SEMA3C: variants seen among roughly 807,000 people sequenced by gnomAD.
SEMA3C encodes the protein semaphorin 3C.
A neutral mutation model predicts 89.4 loss-of-function variants in SEMA3C; 47 were observed. The ratio of observed to expected loss-of-function variants is 0.53; its 90% CI spans 0.42 to 0.67. The LOEUF is 0.67. SEMA3C is among the 30% of genes least tolerant of loss of function. The probability of loss-of-function intolerance (pLI) is 0.00; values close to 1 mark genes in which losing one functional copy is unlikely to be tolerated. For missense variants in SEMA3C, 839 were observed against 929.1 expected (o/e 0.90, Z 1.26); for synonymous variants, 310 against 320.2 (o/e 0.97, Z 0.34).
At position 80,891,836 on chromosome 7, in the gene SEMA3C, T is replaced by C. The variant is rs1190794650; in HGVS notation, c.103+24843A>G. ...CTTAATTTCCCTAAATGAAGATTGT[T>C]TTTCCATGCTAAGCAGAAAAGTCAT... On this transcript the variant is annotated intron_variant, in intron 2 of 17. Transcript: ENST00000265361. Among the ~76,000 whole-genome samples, 5 of 152,240 alleles carry C rather than the reference T, an allele frequency of 3.3e-5. No individual in the cohort carries two copies. In the East Asian group the frequency reaches 9.7e-4, roughly 29 times the overall value.
At chr7:80,916,919 A>G in intron 1 of SEMA3C, 100 bp from the exon 2 acceptor site, 1 of 936,214 alleles carries the variant, frequency 1.1e-6, no homozygotes, top group Non-Finnish European at 1.5e-6. Flanking sequence ...CAAAAGAACC[A>G]TCTGAACTTT....
chr7:80,916,833 AC>A lies in SEMA3C; in HGVS notation c.-38-15del. The A allele has an allele frequency of 6.2e-7, 1 of 1,605,402 alleles. No homozygotes were observed. Among genetic ancestry groups the A allele is most frequent in the Non-Finnish European group, 8.5e-7 (1 of 1,176,546 alleles). ...AAGGGAAAATACCTTTAAGAGAGAG[AC>A]AACATGTTTGTTATATCTCATTTCA... is the stretch of plus-strand genomic sequence containing the variant. On this transcript the variant is annotated splice_polypyrimidine_tract_variant and intron_variant, in intron 1 of 17. Transcript: ENST00000265361.
In SEMA3C at chr7:80,817,498, AAAAGAAT is replaced by A. The variant is rs538799388; in HGVS notation, c.447+794_447+800del. 1.5e-4 allele frequency among the ~76,000 whole-genome samples: 23 copies of A among 152,338 alleles called. No individual in the cohort carries two copies. In the South Asian group the frequency reaches 4.8e-3, roughly 32 times the overall value. The stretch of plus-strand genomic sequence containing the variant: ...GTTAAGTAAAACAACATGTTTGACT[AAAAGAAT>A]GAGTAGTAACTCTCTTGGTGTAATG... On this transcript the variant is annotated intron_variant, in intron 5 of 17. Coordinates refer to ENST00000265361, the MANE Select transcript of SEMA3C (RefSeq NM_006379.5).
intron 5 of SEMA3C, among the ~76,000 whole-genome samples, chr7:80,815,554 CAAA>C (rs761990267): frequency 8.5e-5 from 5 of 58,856 alleles, no homozygotes; most frequent in African/African-American, 1.9e-4. Context: ...TTTAAATGGG[CAAA>C]AAAAAAAAAA....
In SEMA3C at chr7:80,865,013, T is replaced by C. The variant is rs151253832; in HGVS notation, c.104-36268A>G. 9.8e-3 allele frequency among the ~76,000 whole-genome samples: 1,497 copies of C among 152,272 alleles called. 29 individuals carry two copies. Among genetic ancestry groups the C allele is most frequent in the African/African-American group, 0.033 (1,381 of 41,550 alleles). ...TACCCTACATCACATATTAAACGGT[T>C]TGTTTTATCACTTGAAATGATTTCT... On this transcript the variant is annotated intron_variant, in intron 2 of 17. Coordinates refer to ENST00000265361, the MANE Select transcript of SEMA3C (RefSeq NM_006379.5).
chr7:80,756,938 T>C (rs982901341), intron 15 of SEMA3C, among the ~76,000 whole-genome samples: 2 of 152,214 alleles, frequency 1.3e-5, no homozygotes, highest in Non-Finnish European at 2.9e-5. Context: ...CCTTATTTAT[T>C]TATTATCGAT....
chr7:80,770,014 C>T (rs1788394580), intron 12 of SEMA3C, among the ~76,000 whole-genome samples: 1 of 151,856 alleles, frequency 6.6e-6, no homozygotes. Context: ...AGGAATACTT[C>T]TGAGGTATCC....
Position 80,814,522 on chromosome 7 carries a change from C to T in SEMA3C, c.447+3777G>A, listed in dbSNP as rs560322742. 2.8e-4 allele frequency among the ~76,000 whole-genome samples: 42 copies of T among 152,242 alleles called. 2 individuals are homozygous for T. The highest frequency in any genetic ancestry group is 2.3e-3 in the South Asian group (11 of 4,828). On this transcript the variant is annotated intron_variant, in intron 5 of 17. Coordinates refer to ENST00000265361, the MANE Select transcript of SEMA3C (RefSeq NM_006379.5). ...CTCCCTCTCTGCATAATTAAATCCA[C>T]ACTTTTCTTGGGCTCCAGTTACTCT...
intron 11 of SEMA3C, among the ~76,000 whole-genome samples, chr7:80,789,873 G>T (rs1050024923): frequency 3.3e-5 from 5 of 152,064 alleles, no homozygotes; most frequent in Non-Finnish European, 5.9e-5. Context: ...AAAACTAGTG[G>T]ACACAATCTA....
At chr7:80,769,654 T>A (rs905235980) in intron 12 of SEMA3C, among the ~76,000 whole-genome samples, 1 of 152,060 alleles carries the variant, frequency 6.6e-6, no homozygotes, top group Non-Finnish European at 1.5e-5. Context: ...GGTCAGGAGT[T>A]AGAGACCAGC....
intron 9 of SEMA3C, among the ~76,000 whole-genome samples, chr7:80,801,304 G>A (rs1052625688): frequency 6.6e-6 from 1 of 152,122 alleles, no homozygotes; most frequent in Admixed American, 6.5e-5. Flanking sequence ...GCTGGAAGAT[G>A]GAATAAAACT....
chr7:80,910,906 A>G (rs1792131664), intron 2 of SEMA3C, among the ~76,000 whole-genome samples: 1 of 152,144 alleles, frequency 6.6e-6, no homozygotes, highest in Non-Finnish European at 1.5e-5. Context: ...TTATGGAGAT[A>G]CATCCTGATA....
chr7:80,910,796 G>A (rs1340966577), intron 2 of SEMA3C, among the ~76,000 whole-genome samples: 1 of 151,210 alleles, frequency 6.6e-6, no homozygotes, highest in Non-Finnish European at 1.5e-5. Context: ...AGAAAAAATT[G>A]AGTGTGTCTC....
chr7:80,793,705 T>G (rs908556100), intron 11 of SEMA3C, among the ~76,000 whole-genome samples: 2 of 151,756 alleles, frequency 1.3e-5, no homozygotes, highest in African/African-American at 4.8e-5. Flanking sequence ...TAAAACAAAA[T>G]TTAGAGTATT....
chr7:80,863,711 T>TATACACACAC (rs1421419937), intron 2 of SEMA3C, among the ~76,000 whole-genome samples: 1 of 148,716 alleles, frequency 6.7e-6, no homozygotes, highest in African/African-American at 2.5e-5. Flanking sequence ...ATGTGATATA[T>TATACACACAC]ATATCACAGA....
intron 2 of SEMA3C, among the ~76,000 whole-genome samples, chr7:80,892,516 A>G (rs1159750552): frequency 6.6e-6 from 1 of 152,138 alleles, no homozygotes; most frequent in African/African-American, 2.4e-5. Context: ...AGAATATGGT[A>G]TACTAAAAAG....
chr7:80,754,947 G>GTTTTTTTTGT (rs1788021581), intron 15 of SEMA3C, among the ~76,000 whole-genome samples: 1 of 13,134 alleles, frequency 7.6e-5, no homozygotes, highest in Admixed American at 1.3e-3. Context: ...CTGGCGAATT[G>GTTTTTTTTGT]TTTTTTTTTG....
At chr7:80,904,001 C>A (rs1462628700) in intron 2 of SEMA3C, among the ~76,000 whole-genome samples, 4 of 152,142 alleles carry the variant, frequency 2.6e-5, no homozygotes, top group Admixed American at 1.3e-4. Context: ...TGTATTTAAT[C>A]CCCTATATGT....
intron 12 of SEMA3C, among the ~76,000 whole-genome samples, chr7:80,777,671 T>G (rs1431388677): frequency 6.6e-6 from 1 of 152,208 alleles, no homozygotes; most frequent in Non-Finnish European, 1.5e-5. Context: ...TCTCTTGATC[T>G]ACATACCACA....
Sources: gnomAD v4.1 joint callset for allele counts (sites outside exome capture counted in the v4.1 genomes callset) on GRCh38, gnomAD v4.1.1 for gene constraint, MANE v1.5 for transcripts, NCBI Gene and HGNC (gene_info 2026-07-23, HGNC 2026-07-21) for gene names.